The following ABHD2 variants were observed in gnomAD, a reference collection of about 807,000 sequenced individuals.
ABHD2 encodes the protein monoacylglycerol lipase ABHD2.
In ABHD2, 20 loss-of-function variants were observed where a neutral mutation model predicts 48.1. That is an observed-to-expected ratio of 0.42 (90% CI 0.29 to 0.60). ABHD2 has a LOEUF of 0.60. ABHD2 is among the 20% of genes least tolerant of loss of function. The probability of loss-of-function intolerance (pLI) is 0.24; values close to 1 mark genes in which losing one functional copy is unlikely to be tolerated. For missense variants in ABHD2, 405 were observed against 550.9 expected (o/e 0.74, Z 2.65); for synonymous variants, 209 against 214.2 (o/e 0.98, Z 0.21).
chr15:89,161,184 C>G (rs1167346419), intron 5 of ABHD2, among the ~76,000 whole-genome samples: 1 of 152,124 alleles, frequency 6.6e-6, no homozygotes, highest in East Asian at 1.9e-4. Context: ...GCCACAGATA[C>G]AGGTTTTACT....
chr15:89,170,960 A>G (rs1281240447), intron 5 of ABHD2, among the ~76,000 whole-genome samples: 1 of 152,058 alleles, frequency 6.6e-6, no homozygotes, highest in Non-Finnish European at 1.5e-5. Context: ...TACTAAAAAT[A>G]CAAAAATTAG....
At chr15:89,119,151 A>G (rs1264574832) in intron 3 of ABHD2, among the ~76,000 whole-genome samples, 1 of 152,224 alleles carries the variant, frequency 6.6e-6, no homozygotes, top group East Asian at 1.9e-4. Context: ...TGACTTAGCT[A>G]TGGTTTGAAG....
Position 89,114,980 on chromosome 15 carries a change from A to T in ABHD2, c.-7+1156A>T, listed in dbSNP as rs2049932311. ...ACTGAATTAGGAATCCCTGCCAGAG[A>T]TTTTCTGCCAAAGTGACCTCGAGTT... On this transcript the variant is annotated intron_variant, in intron 2 of 10. Coordinates refer to ENST00000352732, the MANE Select transcript of ABHD2 (RefSeq NM_152924.5). This position sits in a 1 kb window ranked among gnomAD's most constrained non-coding sequence, Gnocchi z 4.2. Among the ~76,000 whole-genome samples the T allele has an allele frequency of 6.6e-6, 1 of 152,086 alleles. No individual in the cohort carries two copies. The highest frequency in any genetic ancestry group is 2.4e-5 in the African/African-American group (1 of 41,410).
At chr15:89,079,791 A>T in the ABHD2 span, among the ~76,000 whole-genome samples, 1 of 152,226 alleles carries the variant, frequency 6.6e-6, no homozygotes, top group Non-Finnish European at 1.5e-5. This position sits in a 1 kb window ranked among gnomAD's most constrained non-coding sequence, Gnocchi z 4.3. Context: ...TCCTTCTTCT[A>T]GCTCAGCATG....
rs912746645 is a variant in ABHD2, at chr15:89,176,574, C to T, written c.722+579C>T. ...TAGTCTCTTGCCAGTAGATGCCCCA[C>T]AGGATGAGTCCCAGGAGGGCGTGGT... On this transcript the variant is annotated intron_variant, in intron 6 of 10. Transcript: ENST00000352732. The surrounding 1 kb of genome is among the most constrained non-coding windows in gnomAD (Gnocchi z 4.5). 2.0e-5 allele frequency among the ~76,000 whole-genome samples: 3 copies of T among 152,162 alleles called. No individual in the cohort carries two copies. The highest frequency in any genetic ancestry group is 4.4e-5 in the Non-Finnish European group (3 of 68,028).
intron 1 of ABHD2, among the ~76,000 whole-genome samples, chr15:89,089,597 T>C (rs1451301711): frequency 6.6e-6 from 1 of 152,214 alleles, no homozygotes; most frequent in Non-Finnish European, 1.5e-5. Flanking sequence ...TCCAAAGGCA[T>C]GTTCCAAGAA....
chr15:89,054,151 G>A, the ABHD2 span, among the ~76,000 whole-genome samples: 10 of 151,328 alleles, frequency 6.6e-5, no homozygotes, highest in East Asian at 2.0e-4. Context: ...ATGAAACCCC[G>A]TCTCTACTAA....
rs2050609930 is a variant in ABHD2, at chr15:89,152,481, T to C, written c.370+629T>C. ...CCCCAGGACCAGGCCTCTGGGTTGATGACAGCAACAGAGGCCAGACCATTC... is the reference window on the plus strand; with the variant it reads ...CCCCAGGACCAGGCCTCTGGGTTGACGACAGCAACAGAGGCCAGACCATTC... On this transcript the variant is annotated intron_variant, in intron 4 of 10. Transcript: ENST00000352732. Among the ~76,000 whole-genome samples, 4 of 152,218 alleles carry C rather than the reference T, an allele frequency of 2.6e-5. No individual in the cohort carries two copies. The South Asian group carries it at 8.3e-4, about 31-fold the overall frequency.
chr15:89,201,840 T>G lies in ABHD2; in HGVS notation c.*6417T>G, dbSNP rs767532808. The G allele has an allele frequency of 1.9e-6, 2 of 1,035,382 alleles. No individual in the cohort carries two copies. The highest frequency in any genetic ancestry group is 2.9e-6 in the Non-Finnish European group (2 of 694,176). The allele number at this position is 1,035,382 out of a possible 1,614,324, so 64.1% of individuals were successfully genotyped here. A position where few individuals can be genotyped will look rare whatever the true frequency, so the allele number is the denominator to read the frequency against. On this transcript the variant is annotated 3_prime_UTR_variant, in exon 11 of 11. Coordinates refer to ENST00000352732, the MANE Select transcript of ABHD2 (RefSeq NM_152924.5). ...GCAGAGCAGGGGGCGGCTTGCTCGC[T>G]GGGGGCGGGGGACGATGGCGAGAGG...
rs1028588740 is a variant in ABHD2 at position 89,104,736 on chromosome 15, T to G, written c.-106-8989T>G. On this transcript the variant is annotated intron_variant, in intron 1 of 10. Transcript: ENST00000352732. The surrounding 1 kb of genome is among the most constrained non-coding windows in gnomAD (Gnocchi z 4.4). ...CAACGGTTGTGCCAGGCACTGGGTCTTGCCCTCCCACCCCCATCTCCATTT... is the reference window on the plus strand; with the variant it reads ...CAACGGTTGTGCCAGGCACTGGGTCGTGCCCTCCCACCCCCATCTCCATTT... Among the ~76,000 whole-genome samples the G allele has an allele frequency of 2.0e-5, 3 of 152,232 alleles. No homozygotes were observed. The highest frequency in any genetic ancestry group is 7.2e-5 in the African/African-American group (3 of 41,470).
rs1204194285 is a variant in ABHD2 at position 89,113,769 on chromosome 15, C to T, written c.-62C>T. 1 of 152,202 alleles carries T rather than the reference C, an allele frequency of 6.6e-6. No homozygotes were observed. Among genetic ancestry groups the T allele is most frequent in the African/African-American group, 2.4e-5 (1 of 41,454 alleles). The allele number at this position is 152,202 out of a possible 1,614,324, so 9.4% of individuals were successfully genotyped here. On this transcript the variant is annotated 5_prime_UTR_variant, in exon 2 of 11. Coordinates refer to ENST00000352732, the MANE Select transcript of ABHD2 (RefSeq NM_152924.5). Reference sequence around the variant, plus strand: ...AAGAGATCTGACCTGACCGGCCCAACTGTACAACTCTTCAAGGAAAATTCG... The same window carrying T: ...AAGAGATCTGACCTGACCGGCCCAATTGTACAACTCTTCAAGGAAAATTCG...
chr15:89,124,946 G>A lies in ABHD2; in HGVS notation c.194+8425G>A, dbSNP rs559252555. Among the ~76,000 whole-genome samples the A allele has an allele frequency of 1.5e-3, 233 of 152,236 alleles. 1 individual carries two copies. Among genetic ancestry groups the A allele is most frequent in the African/African-American group, 5.2e-3 (217 of 41,542 alleles). ...TCTACTAAAAATACAAAAATTGGCC[G>A]GGCATGGTGGCAGGTGCCTGTAATC... is the stretch of plus-strand genomic sequence containing the variant. On this transcript the variant is annotated intron_variant, in intron 3 of 10. Transcript: ENST00000352732.
intron 5 of ABHD2, among the ~76,000 whole-genome samples, chr15:89,156,376 C>T (rs970136553): frequency 1.3e-5 from 2 of 152,024 alleles, no homozygotes; most frequent in Non-Finnish European, 2.9e-5. Context: ...CCACCTCGGC[C>T]TCCCGAAGTG....
chr15:89,156,014 T>C (rs2050667036), intron 5 of ABHD2, among the ~76,000 whole-genome samples: 1 of 152,208 alleles, frequency 6.6e-6, no homozygotes, highest in Non-Finnish European at 1.5e-5. Flanking sequence ...ATCTCGTCTT[T>C]CGACGAATGC....
At chr15:89,132,583 T>C (rs2050237654) in intron 3 of ABHD2, among the ~76,000 whole-genome samples, 3 of 152,202 alleles carry the variant, frequency 2.0e-5, no homozygotes, top group African/African-American at 7.2e-5. Flanking sequence ...ATATGGGTGA[T>C]TTTTAAGCTT....
chr15:89,127,258 G>A (rs1032154823), intron 3 of ABHD2, among the ~76,000 whole-genome samples: 2 of 152,220 alleles, frequency 1.3e-5, no homozygotes, highest in Middle Eastern at 3.4e-3. Flanking sequence ...TGAGGGCTCT[G>A]GGTCAGCGTG....
chr15:89,105,295 G>T (rs2049766745), intron 1 of ABHD2, among the ~76,000 whole-genome samples: 1 of 152,194 alleles, frequency 6.6e-6, no homozygotes, highest in Non-Finnish European at 1.5e-5. Context: ...GACATTTTTA[G>T]TTTGGTAACT....
chr15:89,054,687 GAAAAAAGAAAA>G, the ABHD2 span, among the ~76,000 whole-genome samples: 1 of 140,680 alleles, frequency 7.1e-6, no homozygotes, highest in Non-Finnish European at 1.6e-5. Context: ...TTCAAAAAAA[GAAAAAAGAAAA>G]AAAAAAGAAA....
chr15:89,071,773 G>T, the ABHD2 span, among the ~76,000 whole-genome samples: 1 of 152,152 alleles, frequency 6.6e-6, no homozygotes, highest in Admixed American at 6.5e-5. Flanking sequence ...CATTCTAAGG[G>T]TATGCTTAAG....
Sources: allele counts gnomAD v4.1 joint callset (sites outside exome capture counted in the v4.1 genomes callset), GRCh38; gene constraint gnomAD v4.1.1; non-coding constraint Gnocchi (gnomAD v3.1); transcripts MANE v1.5; gene names NCBI Gene and HGNC (gene_info 2026-07-23, HGNC 2026-07-21).